THOC2: variants seen among roughly 807,000 people sequenced by gnomAD.
THOC2 encodes THO complex subunit 2, also known as THO complex 2.
A neutral mutation model predicts 128.4 loss-of-function variants in THOC2; 10 were observed. The observed-to-expected ratio is 0.08, with a 90% CI of 0.05 to 0.13. THOC2 has a LOEUF of 0.13. Among genes scored for constraint, THOC2 ranks in the 10% least tolerant of loss-of-function variants. THOC2 has a pLI of 1.00. For missense variants in THOC2, 535 were observed against 1,155.7 expected (o/e 0.46, Z 7.79); for synonymous variants, 393 against 396.9 (o/e 0.99, Z 0.12).
chrX:123,709,669 T>C (rs1406710437), intron 2 of THOC2, among the ~76,000 whole-genome samples: 1 of 111,906 alleles, frequency 8.9e-6, no homozygotes, highest in African/African-American at 3.2e-5. Context: ...CACCAGTTCT[T>C]GGTTATGTCT....
chrX:123,709,476 G>A (rs1450095041), intron 2 of THOC2, among the ~76,000 whole-genome samples: 6 of 110,327 alleles, frequency 5.4e-5, no homozygotes, highest in Admixed American at 9.6e-5. Context: ...CTGTAGTCCC[G>A]GCTACTCAGG....
intron 38 of THOC2, among the ~76,000 whole-genome samples, chrX:123,604,371 GTT>G: frequency 9.9e-6 from 1 of 100,874 alleles, no homozygotes; most frequent in African/African-American, 3.5e-5. Flanking sequence ...TGAGTTGTTT[GTT>G]TTTTTTTTTT....
chrX:123,692,962 A>C (rs2050286698), intron 7 of THOC2, among the ~76,000 whole-genome samples: 1 of 111,533 alleles, frequency 9.0e-6, no homozygotes, highest in African/African-American at 3.3e-5. Context: ...ACTGTTCCTA[A>C]ACAGAAAACA....
At chrX:123,698,624 T>A (rs867614292) in intron 4 of THOC2, among the ~76,000 whole-genome samples, 2 of 108,722 alleles carry the variant, frequency 1.8e-5, no homozygotes, top group Non-Finnish European at 3.8e-5. Flanking sequence ...CCTGTAATCC[T>A]AGCACTTTGG....
At chrX:123,720,929 G>A (rs905669801) in intron 1 of THOC2, among the ~76,000 whole-genome samples, 1 of 111,121 alleles carries the variant, frequency 9.0e-6, no homozygotes, top group African/African-American at 3.3e-5. Context: ...TGGGGAGTTG[G>A]TGTATAATGG....
At chrX:123,638,662 C>T (rs1348143661) in intron 17 of THOC2, among the ~76,000 whole-genome samples, 1 of 107,775 alleles carries the variant, frequency 9.3e-6, no homozygotes, top group Non-Finnish European at 1.9e-5. Context: ...CTGTCTCACA[C>T]ACACAAAAAA....
intron 12 of THOC2, among the ~76,000 whole-genome samples, chrX:123,645,688 G>A (rs550635154): frequency 4.4e-4 from 50 of 112,649 alleles, no homozygotes; most frequent in African/African-American, 1.4e-3. Context: ...AGGGCTGGGC[G>A]CGGTGCCTCA....
chrX:123,611,210 C>T lies in THOC2; in HGVS notation c.4754+230G>A, dbSNP rs1376512770. On this transcript the variant is annotated intron_variant, in intron 37 of 38. Coordinates refer to ENST00000245838, the MANE Select transcript of THOC2 (RefSeq NM_001081550.2). ...ATATAACCTGAAAGACTATAAATCC[C>T]TTAGTGGCATAAAACATCTCAGTCA... 2.7e-5 allele frequency among the ~76,000 whole-genome samples: 3 copies of T among 111,265 alleles called. No individual in the cohort carries two copies. The East Asian group carries it at 8.4e-4, about 31-fold the overall frequency.
chrX:123,619,493 G>A (rs769354310), intron 32 of THOC2, 57 bp from the exon 33 acceptor site: 3 of 1,191,382 alleles, frequency 2.5e-6, no homozygotes, highest in East Asian at 3.0e-5. Flanking sequence ...GAACCCAGAG[G>A]AACTTTGGGA....
At chrX:123,695,442 T>G (rs2050409733) in intron 7 of THOC2, among the ~76,000 whole-genome samples, 2 of 112,076 alleles carry the variant, frequency 1.8e-5, no homozygotes, top group Admixed American at 9.5e-5. Flanking sequence ...GAATAATAAC[T>G]TTCCTATCTG....
chrX:123,650,548 G>A (rs1355347084), intron 12 of THOC2, among the ~76,000 whole-genome samples: 2 of 111,786 alleles, frequency 1.8e-5, no homozygotes, highest in Non-Finnish European at 3.8e-5. Context: ...TCAGTGTGCT[G>A]TATTCAGGAG....
At chrX:123,615,890 CTT>C (rs2046875739) in intron 33 of THOC2, among the ~76,000 whole-genome samples, 2 of 111,193 alleles carry the variant, frequency 1.8e-5, no homozygotes, top group African/African-American at 6.5e-5. Flanking sequence ...ATCAAATACT[CTT>C]TTGCATAAAA....
At chrX:123,638,188 T>G in intron 17 of THOC2, 65 bp from the exon 18 acceptor site, 1 of 728,869 alleles carries the variant, frequency 1.4e-6, no homozygotes. Flanking sequence ...AACATGAATA[T>G]GCCACATCAT....
chrX:123,694,726 T>A (rs780506200), intron 7 of THOC2, among the ~76,000 whole-genome samples: 1 of 111,680 alleles, frequency 9.0e-6, no homozygotes, highest in African/African-American at 3.2e-5. Context: ...CCCACAGCCC[T>A]AGGGGGCCAC....
At chrX:123,648,131 A>C (rs1374366692) in intron 12 of THOC2, among the ~76,000 whole-genome samples, 1 of 111,372 alleles carries the variant, frequency 9.0e-6, no homozygotes, top group Non-Finnish European at 1.9e-5. Context: ...GGGACTGGTT[A>C]AACAGTGGGT....
intron 1 of THOC2, among the ~76,000 whole-genome samples, chrX:123,729,016 C>G (rs2052115682): frequency 8.9e-6 from 1 of 112,239 alleles, no homozygotes; most frequent in Non-Finnish European, 1.9e-5. Flanking sequence ...TACACTGGAT[C>G]TACCAGTACA....
chrX:123,605,893 C>T (rs1019646253), intron 38 of THOC2, among the ~76,000 whole-genome samples: 16 of 110,588 alleles, frequency 1.4e-4, no homozygotes, highest in Non-Finnish European at 2.5e-4. Context: ...GTGATGAAAA[C>T]AAAAGAAACG....
intron 27 of THOC2, 44 bp downstream of exon 27, chrX:123,624,016 T>C: frequency 8.4e-7 from 1 of 1,183,803 alleles, no homozygotes; most frequent in South Asian, 2.0e-5. Flanking sequence ...AGCACAAGTA[T>C]ACAGAGAAAA....
Position 123,621,349 on chromosome X carries a change from A to C in THOC2, c.4024T>G (p.Phe1342Val), listed in dbSNP as rs1157231079. 8.3e-6 allele frequency: 10 copies of C among 1,206,864 alleles called. No individual in the cohort carries two copies. Among genetic ancestry groups the C allele is most frequent in the Non-Finnish European group, 1.1e-5 (10 of 894,371 alleles). ...KKEEKAKDEK[F>V]KTTVPNAESK... ...TCTGCGTTGGGGACAGTGGTCTTAA[A>C]TTTCTCATCTTTAGCTTTTTCTTCC... Residue 1342 changes from phenylalanine to valine, a missense_variant, in exon 31 of 39, where the codon TTT becomes GTT. By Grantham distance (50) the Phe-to-Val change is conservative. Around this residue, in one of 9 missense-constraint regions of THOC2, gnomAD observed 116 missense variants for 180.0 expected, o/e 0.64. Transcript: ENST00000245838.
Sources: gnomAD v4.1 joint callset for allele counts (sites outside exome capture counted in the v4.1 genomes callset) on GRCh38, gnomAD v4.1.1 for gene constraint, gnomAD v4.1.1 regional missense constraint, MANE v1.5 for transcripts, NCBI Gene and HGNC (gene_info 2026-07-23, HGNC 2026-07-21) for gene names.